Variants in CNTNAP5 observed in about 807,000 individuals in gnomAD.
CNTNAP5 encodes the protein contactin-associated protein-like 5.
A neutral mutation model predicts 150.2 loss-of-function variants in CNTNAP5; 72 were observed. That is an observed-to-expected ratio of 0.48 (90% CI 0.40 to 0.58). CNTNAP5 has a LOEUF of 0.58. CNTNAP5 is among the 20% of genes least tolerant of loss of function. The probability of loss-of-function intolerance (pLI) is 0.00; values close to 1 mark genes in which losing one functional copy is unlikely to be tolerated. For synonymous variants in CNTNAP5, 672 were observed against 619.8 expected (o/e 1.08, Z -1.25); for missense variants, 1,636 against 1,626.2 (o/e 1.01, Z -0.10).
intron 5 of CNTNAP5, among the ~76,000 whole-genome samples, chr2:124,442,307 C>T (rs552664712): frequency 7.9e-5 from 12 of 152,164 alleles, no homozygotes; most frequent in East Asian, 1.9e-4. Flanking sequence ...GAACAACAAC[C>T]GACATAACCT....
intron 11 of CNTNAP5, among the ~76,000 whole-genome samples, chr2:124,571,383 A>C (rs1696148250): frequency 6.6e-6 from 1 of 152,114 alleles, no homozygotes; most frequent in Non-Finnish European, 1.5e-5. Context: ...AGATACAATC[A>C]AGAAGGAATG....
chr2:124,063,027 T>G (rs1263799432), intron 1 of CNTNAP5, among the ~76,000 whole-genome samples: 1 of 152,138 alleles, frequency 6.6e-6, no homozygotes, highest in Non-Finnish European at 1.5e-5. Flanking sequence ...GGATTTGTTG[T>G]TTTGTTATGT....
chr2:124,447,531 G>T (rs1468432366), intron 6 of CNTNAP5, among the ~76,000 whole-genome samples: 1 of 152,196 alleles, frequency 6.6e-6, no homozygotes, highest in Non-Finnish European at 1.5e-5. Context: ...TTCAAGGAAT[G>T]CATGTTGTGC....
chr2:124,842,865 G>T (rs552917131), intron 19 of CNTNAP5, among the ~76,000 whole-genome samples: 3 of 152,026 alleles, frequency 2.0e-5, no homozygotes, highest in Non-Finnish European at 4.4e-5. Context: ...TGCCTCATGA[G>T]AAATTCTCAA....
At position 124,706,941 on chromosome 2, in the gene CNTNAP5, AG is replaced by A. The variant is rs1220889313; in HGVS notation, c.2078-40286del. The stretch of plus-strand genomic sequence containing the variant: ...GAGAAGAAGAAGAAGAAGAAGAAGA[AG>A]GAGGAGGAGGAGGAGGAGGAGGAGA... On this transcript the variant is annotated intron_variant, in intron 13 of 23. Coordinates refer to ENST00000682447, the MANE Select transcript of CNTNAP5 (RefSeq NM_001367498.1). Among the ~76,000 whole-genome samples the A allele has an allele frequency of 3.5e-4, 33 of 93,168 alleles. 1 individual carries two copies. Among genetic ancestry groups the A allele is most frequent in the African/African-American group, 4.8e-4 (13 of 27,344 alleles). The allele number at this position is 93,168 out of a possible 152,430, so 61.1% of individuals were successfully genotyped here. A position where few individuals can be genotyped will look rare whatever the true frequency, so the allele number is the denominator to read the frequency against.
At position 124,577,961 on chromosome 2, in the gene CNTNAP5, A is replaced by G. The variant is rs144282413; in HGVS notation, c.1756+14638A>G. ...TATCAGCCAGAGTTCAGAGAACAGA[A>G]CCAGTGGAAAAATACATGACAACAA... On this transcript the variant is annotated intron_variant, in intron 11 of 23. Coordinates refer to ENST00000682447, the MANE Select transcript of CNTNAP5 (RefSeq NM_001367498.1). Among the ~76,000 whole-genome samples the G allele has an allele frequency of 2.5e-3, 382 of 152,184 alleles. 1 individual carries two copies. The highest frequency in any genetic ancestry group is 8.8e-3 in the African/African-American group (365 of 41,532).
chr2:124,731,828 G>T (rs1320057631), intron 13 of CNTNAP5, among the ~76,000 whole-genome samples: 2 of 151,296 alleles, frequency 1.3e-5, no homozygotes, highest in Non-Finnish European at 3.0e-5. Context: ...ATGTATGAGG[G>T]TGTATATGAG....
intron 8 of CNTNAP5, among the ~76,000 whole-genome samples, chr2:124,522,679 A>G (rs1234810347): frequency 7.0e-6 from 1 of 143,388 alleles, no homozygotes; most frequent in Non-Finnish European, 1.5e-5. Flanking sequence ...GTCAAAGGAT[A>G]TTGTTTAAAG....
intron 1 of CNTNAP5, among the ~76,000 whole-genome samples, chr2:124,205,445 G>C (rs1685838217): frequency 6.7e-6 from 1 of 148,924 alleles, no homozygotes; most frequent in Non-Finnish European, 1.5e-5. Context: ...TGGAAATGGA[G>C]TCTCACCCTG....
intron 5 of CNTNAP5, among the ~76,000 whole-genome samples, chr2:124,438,422 A>C (rs943968612): frequency 6.6e-6 from 1 of 152,158 alleles, no homozygotes; most frequent in African/African-American, 2.4e-5. Context: ...TAAAGAAGAC[A>C]ACAATAGTAC....
At chr2:124,242,577 G>T in intron 3 of CNTNAP5, 184 bp downstream of exon 3, 1 of 527,552 alleles carries the variant, frequency 1.9e-6, no homozygotes, top group Non-Finnish European at 3.2e-6. Context: ...AGGAAAATTA[G>T]GATGTCTGTC....
intron 1 of CNTNAP5, among the ~76,000 whole-genome samples, chr2:124,059,188 T>G (rs145615808): frequency 2.0e-5 from 3 of 152,310 alleles, no homozygotes; most frequent in African/African-American, 7.2e-5. Context: ...TTTCTCTTAC[T>G]TAGGTAGTAA....
At chr2:124,487,802 T>C (rs142938556) in intron 7 of CNTNAP5, among the ~76,000 whole-genome samples, 16 of 152,024 alleles carry the variant, frequency 1.1e-4, no homozygotes, top group African/African-American at 2.9e-4. Context: ...GGCTTTTTTT[T>C]CCCCCATGTT....
rs528733716 is a variant in CNTNAP5 at position 124,695,711 on chromosome 2, T to C, written c.2077+47753T>C. 3.3e-4 allele frequency among the ~76,000 whole-genome samples: 50 copies of C among 152,234 alleles called. No individual in the cohort carries two copies. In the South Asian group the frequency reaches 3.5e-3, roughly 11 times the overall value. Reference sequence around the variant, plus strand: ...TCAGCTGAAGCAGCAGCAATCTACATTGGGTCCAGATGGAGGGAGCTAGGA... The same window carrying C: ...TCAGCTGAAGCAGCAGCAATCTACACTGGGTCCAGATGGAGGGAGCTAGGA... On this transcript the variant is annotated intron_variant, in intron 13 of 23. Transcript: ENST00000682447.
chr2:124,405,840 T>C (rs1691556928), intron 3 of CNTNAP5, among the ~76,000 whole-genome samples: 1 of 152,246 alleles, frequency 6.6e-6, no homozygotes, highest in African/African-American at 2.4e-5. Context: ...ATCAGCACTT[T>C]GTTACTTTTT....
At chr2:124,874,846 T>A (rs1174898219) in intron 21 of CNTNAP5, among the ~76,000 whole-genome samples, 7 of 151,954 alleles carry the variant, frequency 4.6e-5, no homozygotes, top group Non-Finnish European at 2.9e-5. Context: ...GCAGCCAACG[T>A]TTGTTAATCT....
intron 3 of CNTNAP5, among the ~76,000 whole-genome samples, chr2:124,354,051 A>G (rs1376186875): frequency 6.6e-6 from 1 of 152,312 alleles, no homozygotes; most frequent in East Asian, 1.9e-4. Context: ...AGACTTGACT[A>G]TGATGAAACC....
At chr2:124,348,988 G>A (rs576627090) in intron 3 of CNTNAP5, among the ~76,000 whole-genome samples, 1 of 152,190 alleles carries the variant, frequency 6.6e-6, no homozygotes, top group African/African-American at 2.4e-5. Context: ...CTTCCCAGAG[G>A]TGTGTGTTCT....
chr2:124,419,972 C>CTCTCTTTG (rs1692053798), intron 4 of CNTNAP5, among the ~76,000 whole-genome samples: 1 of 87,842 alleles, frequency 1.1e-5, no homozygotes, highest in South Asian at 4.2e-4. Flanking sequence ...CTCTCTCTCT[C>CTCTCTTTG]TTTCTTTCTT....
Sources: gnomAD v4.1 joint callset for allele counts (sites outside exome capture counted in the v4.1 genomes callset) on GRCh38, gnomAD v4.1.1 for gene constraint, MANE v1.5 for transcripts, NCBI Gene and HGNC (gene_info 2026-07-23, HGNC 2026-07-21) for gene names.